The following CPLX2 variants were observed in gnomAD, a reference collection of about 807,000 sequenced individuals.
CPLX2 encodes the protein complexin 2.
Under a neutral mutation model 16.3 loss-of-function variants are expected in CPLX2, and 5 were observed. The observed-to-expected ratio is 0.31, with a 90% confidence interval of 0.16 to 0.64. CPLX2 has a LOEUF of 0.64. Ranked by LOEUF, CPLX2 falls within the 30% of genes least tolerant of loss-of-function variation. The pLI is 0.79. For synonymous variants in CPLX2, 89 were observed against 73.2 expected (o/e 1.22, Z -1.10); for missense variants, 144 against 181.4 (o/e 0.79, Z 1.18).
intron 2 of CPLX2, among the ~76,000 whole-genome samples, chr5:175,846,234 G>A (rs941808345): frequency 2.0e-5 from 3 of 152,156 alleles, no homozygotes; most frequent in Non-Finnish European, 2.9e-5. Context: ...CACAGGACAG[G>A]CATGGCAGAT....
At chr5:175,814,876 G>A (rs1758378039) in intron 2 of CPLX2, among the ~76,000 whole-genome samples, 1 of 152,158 alleles carries the variant, frequency 6.6e-6, no homozygotes, top group Non-Finnish European at 1.5e-5. Context: ...GCCCCAGGAG[G>A]GAGACAGCTG....
intron 1 of CPLX2, among the ~76,000 whole-genome samples, chr5:175,875,666 G>A (rs1430356785): frequency 7.2e-5 from 11 of 152,094 alleles, no homozygotes; most frequent in Non-Finnish European, 5.9e-5. Context: ...CCGTGAAGTG[G>A]AGGGAAAGTC....
At chr5:175,865,101 C>CAT (rs1406052156) in intron 2 of CPLX2, among the ~76,000 whole-genome samples, 1 of 152,054 alleles carries the variant, frequency 6.6e-6, no homozygotes, top group African/African-American at 2.4e-5. Flanking sequence ...CACACACACA[C>CAT]ACACACTCGT....
intron 2 of CPLX2, among the ~76,000 whole-genome samples, chr5:175,816,724 A>G (rs1758416884): frequency 6.6e-6 from 1 of 152,232 alleles, no homozygotes; most frequent in African/African-American, 2.4e-5. Flanking sequence ...ACTTGCCAGC[A>G]TCACTGAGAA....
chr5:175,841,497 G>A (rs1173741020), intron 2 of CPLX2, among the ~76,000 whole-genome samples: 2 of 152,162 alleles, frequency 1.3e-5, no homozygotes, highest in Non-Finnish European at 2.9e-5. Context: ...GGAACGTGGG[G>A]TACACCTGCC....
upstream of CPLX2, among the ~76,000 whole-genome samples, chr5:175,867,743 C>T (rs1759506050): frequency 6.6e-6 from 1 of 152,188 alleles, no homozygotes; most frequent in Admixed American, 6.5e-5. Flanking sequence ...TGATGACACA[C>T]AGCGCCTGTG....
chr5:175,811,202 G>A (rs751362631), intron 2 of CPLX2, among the ~76,000 whole-genome samples: 9 of 152,226 alleles, frequency 5.9e-5, no homozygotes, highest in Non-Finnish European at 1.3e-4. Flanking sequence ...TCTTAAAGCT[G>A]GAGGAGCCAG....
At chr5:175,824,387 G>T (rs1758568855) in intron 2 of CPLX2, among the ~76,000 whole-genome samples, 1 of 152,216 alleles carries the variant, frequency 6.6e-6, no homozygotes, top group East Asian at 1.9e-4. Context: ...CTGCCAGAAA[G>T]TGCCCTCCCT....
intron 2 of CPLX2, among the ~76,000 whole-genome samples, chr5:175,812,415 G>A (rs748756887): frequency 1.6e-4 from 25 of 152,180 alleles, no homozygotes; most frequent in Middle Eastern, 3.2e-3. Flanking sequence ...AATATGTTGC[G>A]TTCCTATCAT....
intron 2 of CPLX2, among the ~76,000 whole-genome samples, chr5:175,838,153 C>G (rs1345593936): frequency 6.6e-6 from 1 of 151,990 alleles, no homozygotes; most frequent in Non-Finnish European, 1.5e-5. Context: ...GAAATTTTGC[C>G]AACGTAAGGG....
At chr5:175,813,819 C>T (rs983126328) in intron 2 of CPLX2, among the ~76,000 whole-genome samples, 3 of 152,210 alleles carry the variant, frequency 2.0e-5, no homozygotes, top group Non-Finnish European at 2.9e-5. Flanking sequence ...TGAAGGTTAG[C>T]CTCTCCTTAA....
intron 1 of CPLX2, chr5:175,805,327 C>CTGGAG (rs1191150935): frequency 6.6e-6 from 1 of 152,160 alleles, no homozygotes; most frequent in Non-Finnish European, 1.5e-5. Flanking sequence ...ATTTAAATCC[C>CTGGAG]TGGAGTCTGA....
chr5:175,864,036 GC>G, intron 2 of CPLX2, among the ~76,000 whole-genome samples: 1 of 152,334 alleles, frequency 6.6e-6, no homozygotes, highest in Non-Finnish European at 1.5e-5. Flanking sequence ...TGGTTAGTCT[GC>G]CCTGAACTCC....
chr5:175,814,279 T>A lies in CPLX2; in HGVS notation c.-89+5211T>A, dbSNP rs370869700. Among the ~76,000 whole-genome samples the A allele has an allele frequency of 7.2e-5, 11 of 152,160 alleles. No individual in the cohort carries two copies. In the East Asian group the frequency reaches 9.6e-4, roughly 13 times the overall value. The stretch of plus-strand genomic sequence containing the variant: ...GCCCCATCCTAAGAAGGAGGGAGAT[T>A]GCTGGGCAGGTGACCCAGAGCCTCC... On this transcript the variant is annotated intron_variant, in intron 2 of 4. Coordinates refer to the CPLX2 transcript ENST00000359546.
intron 2 of CPLX2, among the ~76,000 whole-genome samples, chr5:175,824,372 C>A (rs1007914879): frequency 6.6e-6 from 1 of 152,206 alleles, no homozygotes; most frequent in Non-Finnish European, 1.5e-5. Context: ...GGCAGGCCGG[C>A]CTTGCTGCCA....
At chr5:175,838,662 C>T (rs1758889088) in intron 2 of CPLX2, among the ~76,000 whole-genome samples, 1 of 152,122 alleles carries the variant, frequency 6.6e-6, no homozygotes, top group Non-Finnish European at 1.5e-5. Context: ...GCTGTGACCA[C>T]ATGGTTTTCC....
Position 175,837,281 on chromosome 5 carries a change from G to A in CPLX2, c.-89+28213G>A, listed in dbSNP as rs568669748. 2.7e-4 allele frequency among the ~76,000 whole-genome samples: 41 copies of A among 152,298 alleles called. 1 individual carries two copies. The highest frequency in any genetic ancestry group is 8.7e-4 in the African/African-American group (36 of 41,562). ...ACGGGGCGTCTCTGCACGGCTCCCCGCAGCAGGCAGCAGGGGCTAATTGGA... is the reference window on the plus strand; with the variant it reads ...ACGGGGCGTCTCTGCACGGCTCCCCACAGCAGGCAGCAGGGGCTAATTGGA... On this transcript the variant is annotated intron_variant, in intron 2 of 4. Transcript: ENST00000359546.
At chr5:175,847,575 T>C (rs1581089867) in intron 2 of CPLX2, among the ~76,000 whole-genome samples, 1 of 152,318 alleles carries the variant, frequency 6.6e-6, no homozygotes, top group East Asian at 1.9e-4. Context: ...TCCAGGAACC[T>C]TGCCTGAGCC....
At position 175,878,635 on chromosome 5, in the gene CPLX2, C is replaced by T; in HGVS notation, c.-88-17C>T. On this transcript the variant is annotated splice_polypyrimidine_tract_variant and intron_variant, in intron 1 of 3. Coordinates refer to ENST00000393745, the MANE Select transcript of CPLX2 (RefSeq NM_001008220.2). ...TGCAGAGGCCTCTCCCATCTGACTC[C>T]CAATTCTCTTCTGCAGGTTGTCACA... The T allele has an allele frequency of 7.3e-7, 1 of 1,363,464 alleles. No homozygotes were observed. The highest frequency in any genetic ancestry group is 1.0e-6 in the Non-Finnish European group (1 of 977,338). 84.5% of individuals were successfully genotyped at this position (1,363,464 alleles called of 1,614,324 possible).
Sources: allele counts gnomAD v4.1 joint callset (sites outside exome capture counted in the v4.1 genomes callset), GRCh38; gene constraint gnomAD v4.1.1; transcripts MANE v1.5; gene names NCBI Gene and HGNC (gene_info 2026-07-23, HGNC 2026-07-21).